PDIA5: variants seen among roughly 807,000 people sequenced by gnomAD.
PDIA5 encodes protein disulfide isomerase family A member 5, also known as protein disulfide-isomerase A5.
Under a neutral mutation model 77.6 loss-of-function variants are expected in PDIA5, and 58 were observed. That is an observed-to-expected ratio of 0.75 (90% CI 0.61 to 0.93). The LOEUF (loss-of-function observed/expected upper bound fraction) is 0.93, where lower values mean the gene tolerates loss of function less well. Ranked by LOEUF, PDIA5 falls within the 40% of genes least tolerant of loss-of-function variation. The pLI, the probability that PDIA5 is intolerant of heterozygous loss-of-function variation, is 0.00. For missense variants in PDIA5, 630 were observed against 647.7 expected (o/e 0.97, Z 0.30); for synonymous variants, 250 against 252.1 (o/e 0.99, Z 0.08).
chr3:123,099,028 G>T (rs1446206294), intron 3 of PDIA5, among the ~76,000 whole-genome samples: 4 of 151,970 alleles, frequency 2.6e-5, no homozygotes, highest in African/African-American at 9.7e-5. Flanking sequence ...TGTCTGCACT[G>T]CACAATTAGT....
At chr3:123,083,691 A>T (rs1934067952) in intron 1 of PDIA5, among the ~76,000 whole-genome samples, 1 of 152,132 alleles carries the variant, frequency 6.6e-6, no homozygotes, top group Admixed American at 6.5e-5. Flanking sequence ...AGGAACAGAT[A>T]GTTTTTGCAT....
intron 1 of PDIA5, 105 bp downstream of exon 1, chr3:123,067,311 C>A: frequency 1.0e-6 from 1 of 994,184 alleles, no homozygotes; most frequent in South Asian, 5.2e-5. Flanking sequence ...GGAGCTGCCC[C>A]GGGGCACCGG....
At chr3:123,152,091 G>GCCTGCCTT (rs1560562829) in intron 14 of PDIA5, among the ~76,000 whole-genome samples, 6 of 23,490 alleles carry the variant, frequency 2.6e-4, no homozygotes, top group African/African-American at 1.6e-3. Flanking sequence ...CTTCCTTCCT[G>GCCTGCCTT]CCTTCCTGCC....
chr3:123,085,555 T>G (rs1475867210), intron 1 of PDIA5, among the ~76,000 whole-genome samples: 4 of 152,208 alleles, frequency 2.6e-5, no homozygotes, highest in Admixed American at 6.5e-5. Flanking sequence ...CTGGGTTTTA[T>G]GGGAAGGAAG....
chr3:123,074,977 A>G (rs890506930), intron 1 of PDIA5, among the ~76,000 whole-genome samples: 1 of 152,192 alleles, frequency 6.6e-6, no homozygotes, highest in Non-Finnish European at 1.5e-5. Flanking sequence ...ATTATTTTTT[A>G]TGGGCCATAC....
chr3:123,085,555 T>C lies in PDIA5; in HGVS notation c.43-3613T>C, dbSNP rs1475867210. On this transcript the variant is annotated intron_variant, in intron 1 of 16. Transcript: ENST00000316218. The stretch of plus-strand genomic sequence containing the variant: ...GACCTGCGGGATGGACTGGGTTTTA[T>C]GGGAAGGAAGCTGAGGGTGTGCTGT... Among the ~76,000 whole-genome samples the C allele has an allele frequency of 2.0e-5, 3 of 152,208 alleles. No individual in the cohort carries two copies. The East Asian group carries it at 5.8e-4, about 29-fold the overall frequency.
chr3:123,139,002 C>G (rs3804755), intron 11 of PDIA5, among the ~76,000 whole-genome samples: 1 of 151,928 alleles, frequency 6.6e-6, no homozygotes, highest in Admixed American at 6.6e-5. Flanking sequence ...GAAATCCAGA[C>G]GAATCCGAGG....
intron 11 of PDIA5, among the ~76,000 whole-genome samples, chr3:123,143,213 A>G (rs552385653): frequency 6.6e-6 from 1 of 151,872 alleles, no homozygotes; most frequent in South Asian, 2.1e-4. Flanking sequence ...GTGAAACCCC[A>G]TCTCTACTAA....
intron 3 of PDIA5, among the ~76,000 whole-genome samples, chr3:123,098,751 G>A (rs1934508835): frequency 6.6e-6 from 1 of 152,190 alleles, no homozygotes; most frequent in African/African-American, 2.4e-5. Flanking sequence ...TTGCAGGACA[G>A]GGGCCGGGGA....
At chr3:123,100,448 A>G (rs938345966) in intron 3 of PDIA5, among the ~76,000 whole-genome samples, 4 of 152,230 alleles carry the variant, frequency 2.6e-5, no homozygotes, top group Admixed American at 6.5e-5. Flanking sequence ...TCTGGACTCT[A>G]TCTTAAAATG....
At chr3:123,128,256 C>T (rs1054856711) in intron 10 of PDIA5, among the ~76,000 whole-genome samples, 18 of 152,166 alleles carry the variant, frequency 1.2e-4, no homozygotes, top group African/African-American at 4.1e-4. Context: ...GGTTCTTGGG[C>T]CCCTACTCTG....
intron 8 of PDIA5, among the ~76,000 whole-genome samples, chr3:123,119,666 C>T (rs1935062335): frequency 6.6e-6 from 1 of 152,178 alleles, no homozygotes; most frequent in African/African-American, 2.4e-5. Flanking sequence ...TGAGTGACCA[C>T]AGGTGTCAAT....
chr3:123,138,692 A>G (rs1170559525), intron 11 of PDIA5, among the ~76,000 whole-genome samples: 1 of 152,182 alleles, frequency 6.6e-6, no homozygotes, highest in East Asian at 1.9e-4. Flanking sequence ...ACTGTCAAGG[A>G]GTCCACTTTG....
At chr3:123,069,959 G>A (rs898324896) in intron 1 of PDIA5, among the ~76,000 whole-genome samples, 5 of 151,932 alleles carry the variant, frequency 3.3e-5, no homozygotes, top group Middle Eastern at 3.4e-3. Flanking sequence ...GCATGGTAGC[G>A]GGCGCCTGTA....
At chr3:123,087,902 T>A (rs1934183099) in intron 1 of PDIA5, among the ~76,000 whole-genome samples, 1 of 152,240 alleles carries the variant, frequency 6.6e-6, no homozygotes, top group East Asian at 1.9e-4. Context: ...GTTTTTCTTA[T>A]GCTCCTCAGT....
chr3:123,092,880 GCCTCTGCTGCCCA>G (rs1934335706), intron 3 of PDIA5, among the ~76,000 whole-genome samples: 2 of 152,096 alleles, frequency 1.3e-5, no homozygotes, highest in South Asian at 4.1e-4. Context: ...ACCACTAGAC[GCCTCTGCTGCCCA>G]CCATGCAAAG....
At chr3:123,081,367 G>C (rs980321691) in intron 1 of PDIA5, among the ~76,000 whole-genome samples, 2 of 152,136 alleles carry the variant, frequency 1.3e-5, no homozygotes, top group African/African-American at 4.8e-5. Flanking sequence ...CTCCAAGTAC[G>C]GTGTTCTTTC....
intron 10 of PDIA5, among the ~76,000 whole-genome samples, chr3:123,127,849 C>T (rs1224294983): frequency 6.6e-6 from 1 of 152,196 alleles, no homozygotes; most frequent in Non-Finnish European, 1.5e-5. Flanking sequence ...TGAGCCTTCC[C>T]TCATTCAAGG....
chr3:123,147,471 A>G (rs1935797015), intron 13 of PDIA5, among the ~76,000 whole-genome samples: 1 of 152,176 alleles, frequency 6.6e-6, no homozygotes, highest in South Asian at 2.1e-4. Flanking sequence ...TGAGGTGTTT[A>G]TTTAAAGCAT....
Sources: allele counts gnomAD v4.1 joint callset (sites outside exome capture counted in the v4.1 genomes callset), GRCh38; gene constraint gnomAD v4.1.1; transcripts MANE v1.5; gene names NCBI Gene and HGNC (gene_info 2026-07-23, HGNC 2026-07-21).